Variants in SEM1 observed in about 807,000 individuals in gnomAD.
The protein encoded by SEM1 is 26S proteasome complex subunit SEM1.
In SEM1, 3 loss-of-function variants were observed where a neutral mutation model predicts 12.7. That is an observed-to-expected ratio of 0.24 (90% confidence interval 0.11 to 0.61). The LOEUF (loss-of-function observed/expected upper bound fraction) is 0.61, where lower values mean the gene tolerates loss of function less well. Ranked by LOEUF, SEM1 falls within the 20% of genes least tolerant of loss-of-function variation. SEM1 has a pLI of 0.88. For missense variants in SEM1, 59 were observed against 81.3 expected, an observed-to-expected ratio of 0.73 and a Z score of 1.06; for synonymous variants, 30 against 27.8, an observed-to-expected ratio of 1.08 and a Z score of -0.25.
intron 2 of SEM1, among the ~76,000 whole-genome samples, chr7:96,597,957 G>C (rs901313772): frequency 3.3e-5 from 5 of 151,954 alleles, no homozygotes; most frequent in Non-Finnish European, 7.4e-5. Flanking sequence ...ATGCTGTTTT[G>C]CATCTTACTT....
At chr7:96,535,714 G>A (rs145096049) in intron 2 of SEM1, among the ~76,000 whole-genome samples, 1 of 151,738 alleles carries the variant, frequency 6.6e-6, no homozygotes, top group African/African-American at 2.4e-5. Context: ...TGTGGTATTC[G>A]GTTTTCTGTT....
chr7:96,704,663 G>C (rs1288811363), intron 1 of SEM1, among the ~76,000 whole-genome samples: 1 of 152,018 alleles, frequency 6.6e-6, no homozygotes, highest in African/African-American at 2.4e-5. Flanking sequence ...TCCATTTCTT[G>C]CTACCACCAT....
intron 2 of SEM1, among the ~76,000 whole-genome samples, chr7:96,550,161 T>C (rs1020153289): frequency 1.3e-5 from 2 of 152,188 alleles, no homozygotes; most frequent in African/African-American, 4.8e-5. Flanking sequence ...AGTCGTTTAG[T>C]ACAACTGTTC....
At chr7:96,581,731 C>G (rs1339997281) in intron 2 of SEM1, among the ~76,000 whole-genome samples, 1 of 152,026 alleles carries the variant, frequency 6.6e-6, no homozygotes, top group Admixed American at 6.6e-5. Context: ...CTCTTTGAAG[C>G]AACTGTGAAT....
Position 96,586,744 on chromosome 7 carries a change from A to G in SEM1, c.171-80046T>C, listed in dbSNP as rs1310693595. 2.6e-5 allele frequency among the ~76,000 whole-genome samples: 4 copies of G among 152,326 alleles called. 1 individual carries two copies. On this transcript the variant is annotated intron_variant and NMD_transcript_variant, in intron 2 of 3. Transcript: ENST00000466986. ...GAATGTTATGTGTTTTACAGGAAAT[A>G]TCTCATCTGATACCTCCCAAAAACT...
chr7:96,554,162 C>T (rs1484263124), intron 2 of SEM1, among the ~76,000 whole-genome samples: 1 of 149,530 alleles, frequency 6.7e-6, no homozygotes, highest in Admixed American at 6.7e-5. Flanking sequence ...TTGACTTCCT[C>T]TTTTCCTCAT....
Position 96,505,243 on chromosome 7 carries a change from A to G in SEM1, c.*60+1380T>C, listed in dbSNP as rs181256046. ...CAGCCTCCCAAGTAGCTGGGATTAC[A>G]GATGCACACCACCACGCCCAGCTAA... is the stretch of plus-strand genomic sequence containing the variant. On this transcript the variant is annotated intron_variant and NMD_transcript_variant, in intron 3 of 3. Coordinates refer to the SEM1 transcript ENST00000466986. Among the ~76,000 whole-genome samples, 744 of 152,122 alleles carry G rather than the reference A, an allele frequency of 4.9e-3. 4 individuals are homozygous for G. Among genetic ancestry groups the G allele is most frequent in the African/African-American group, 0.017 (695 of 41,530 alleles).
At chr7:96,548,850 G>A (rs983824163) in intron 2 of SEM1, among the ~76,000 whole-genome samples, 2 of 152,144 alleles carry the variant, frequency 1.3e-5, no homozygotes, top group Admixed American at 1.3e-4. Context: ...AATAAAATAT[G>A]TGCTCAGCAA....
In SEM1 at chr7:96,697,484, GA is replaced by G. The variant is rs1438937611; in HGVS notation, c.77-2594del. The G allele has an allele frequency of 2.0e-5, 3 of 152,056 alleles. No homozygotes were observed. In the East Asian group the frequency reaches 5.8e-4, roughly 29 times the overall value. The allele number at this position is 152,056 out of a possible 1,614,324, so 9.4% of individuals were successfully genotyped here. ...CTGCAACATACATTTCCAAATTTCT[GA>G]AAGGCATGAAATATAGCATTTTTGA... On this transcript the variant is annotated intron_variant, in intron 1 of 2. Coordinates refer to ENST00000248566, the MANE Select transcript of SEM1 (RefSeq NM_006304.2).
At chr7:96,709,665 A>T (rs1790587536) in intron 1 of SEM1, 23 bp downstream of exon 1, 8 of 1,611,614 alleles carry the variant, frequency 5.0e-6, no homozygotes, top group Non-Finnish European at 5.9e-6. Flanking sequence ...CGCGCGACAC[A>T]GAAACCGGGG....
chr7:96,580,646 T>A (rs1806364981), intron 2 of SEM1, among the ~76,000 whole-genome samples: 1 of 151,800 alleles, frequency 6.6e-6, no homozygotes, highest in Non-Finnish European at 1.5e-5. Context: ...TTCCTGACTT[T>A]TTAATGATTG....
intron 2 of SEM1, among the ~76,000 whole-genome samples, chr7:96,560,973 G>A (rs1805673357): frequency 6.6e-6 from 1 of 151,854 alleles, no homozygotes; most frequent in African/African-American, 2.4e-5. Context: ...TTAGAGACAG[G>A]GTCTTGCTAT....
intron 2 of SEM1, among the ~76,000 whole-genome samples, chr7:96,574,884 A>G (rs1806156295): frequency 6.6e-6 from 1 of 152,140 alleles, no homozygotes; most frequent in South Asian, 2.1e-4. Flanking sequence ...CAAGGTTCTT[A>G]GCTTCTTTGC....
chr7:96,681,814 AGT>A (rs1453051320), intron 2 of SEM1, among the ~76,000 whole-genome samples: 1 of 152,158 alleles, frequency 6.6e-6, no homozygotes, highest in African/African-American at 2.4e-5. Flanking sequence ...GAAGCCAGGT[AGT>A]GTGATGCCTC....
chr7:96,542,944 A>G (rs1164511673), intron 2 of SEM1, among the ~76,000 whole-genome samples: 1 of 151,990 alleles, frequency 6.6e-6, no homozygotes, highest in African/African-American at 2.4e-5. Context: ...AATTTTCAAG[A>G]ATATGGAAAG....
chr7:96,676,472 T>TA (rs1789451051), intron 2 of SEM1, among the ~76,000 whole-genome samples: 1 of 152,216 alleles, frequency 6.6e-6, no homozygotes, highest in Admixed American at 6.5e-5. Context: ...AATTTAAATG[T>TA]AAAATATATG....
At chr7:96,496,860 G>A (rs1054692193), upstream of SEM1, among the ~76,000 whole-genome samples, 1 of 151,668 alleles carries the variant, frequency 6.6e-6, no homozygotes, top group African/African-American at 2.4e-5. Flanking sequence ...TCCCTTCATG[G>A]GTTTATAATT....
At chr7:96,630,676 C>T (rs1808224566) in intron 2 of SEM1, among the ~76,000 whole-genome samples, 1 of 152,186 alleles carries the variant, frequency 6.6e-6, no homozygotes, top group Non-Finnish European at 1.5e-5. Context: ...CTTTACTTTT[C>T]CATCCTCTGT....
At chr7:96,628,369 A>G (rs1808139730) in intron 2 of SEM1, among the ~76,000 whole-genome samples, 1 of 151,996 alleles carries the variant, frequency 6.6e-6, no homozygotes, top group African/African-American at 2.4e-5. Flanking sequence ...CTCTGGTGAT[A>G]TAATTTAGTT....
Sources: gnomAD v4.1 joint callset for allele counts (sites outside exome capture counted in the v4.1 genomes callset) on GRCh38, gnomAD v4.1.1 for gene constraint, MANE v1.5 for transcripts, NCBI Gene and HGNC (gene_info 2026-07-23, HGNC 2026-07-21) for gene names.